Variants in CDC73 observed in about 807,000 individuals in gnomAD.
The protein encoded by CDC73 is parafibromin.
Under a neutral mutation model 83.7 loss-of-function variants are expected in CDC73, and 21 were observed. The ratio of observed to expected loss-of-function variants is 0.25; its 90% confidence interval spans 0.18 to 0.36. CDC73 has a LOEUF of 0.36. Ranked by LOEUF, CDC73 falls within the 10% of genes least tolerant of loss-of-function variation. The pLI is 1.00. For missense variants in CDC73, 342 were observed against 653.3 expected, an observed-to-expected ratio of 0.52 and a Z score of 5.19; for synonymous variants, 224 against 212.9, an observed-to-expected ratio of 1.05 and a Z score of -0.45.
At chr1:193,147,785 A>C (rs1676027590) in intron 7 of CDC73, 82 bp from the exon 8 acceptor site, 2 of 814,740 alleles carry the variant, frequency 2.5e-6, no homozygotes, top group Non-Finnish European at 4.2e-6. Context: ...ATCGATAGTA[A>C]GATAACTTAG....
intron 10 of CDC73, among the ~76,000 whole-genome samples, chr1:193,170,615 TA>T (rs1676503657): frequency 6.6e-6 from 1 of 152,234 alleles, no homozygotes; most frequent in Non-Finnish European, 1.5e-5. Context: ...GCCTACTTTT[TA>T]ATGATTTTTG....
intron 10 of CDC73, among the ~76,000 whole-genome samples, chr1:193,193,284 A>G (rs551366518): frequency 4.6e-5 from 7 of 152,244 alleles, no homozygotes; most frequent in Admixed American, 6.5e-5. Flanking sequence ...AGATGCATCA[A>G]TAGGTTCCTT....
At chr1:193,202,120 T>C (rs1256203893) in intron 10 of CDC73, among the ~76,000 whole-genome samples, 1 of 152,310 alleles carries the variant, frequency 6.6e-6, no homozygotes, top group Non-Finnish European at 1.5e-5. Context: ...TTTACTCTTA[T>C]TATATAATGT....
chr1:193,161,451 G>A (rs1263655200), intron 10 of CDC73, among the ~76,000 whole-genome samples: 2 of 148,874 alleles, frequency 1.3e-5, no homozygotes, highest in Admixed American at 6.9e-5. Flanking sequence ...CATATTTTAT[G>A]GGTGTCATTG....
rs562919053 is a variant in CDC73 at position 193,216,996 on chromosome 1, A to G, written c.1154+4519A>G. 2.0e-5 allele frequency among the ~76,000 whole-genome samples: 3 copies of G among 152,256 alleles called. No individual in the cohort carries two copies. The South Asian group carries it at 6.2e-4, about 32-fold the overall frequency. ...CAGCCAACATCATACTGAATAGGCA[A>G]AAGCTGGAAGCATTCCCCCTGAGAA... On this transcript the variant is annotated intron_variant, in intron 13 of 16. Coordinates refer to ENST00000367435, the MANE Select transcript of CDC73 (RefSeq NM_024529.5).
intron 8 of CDC73, among the ~76,000 whole-genome samples, chr1:193,148,292 A>G (rs1676044779): frequency 6.6e-6 from 1 of 152,232 alleles, no homozygotes; most frequent in Non-Finnish European, 1.5e-5. Flanking sequence ...TGTTAATAAC[A>G]TAAATCCCTG....
intron 10 of CDC73, among the ~76,000 whole-genome samples, chr1:193,196,009 AGTTT>A (rs1676997943): frequency 6.6e-6 from 1 of 152,046 alleles, no homozygotes; most frequent in South Asian, 2.1e-4. Context: ...GATGGAATCC[AGTTT>A]GTTTCTTTTT....
intron 15 of CDC73, among the ~76,000 whole-genome samples, chr1:193,244,818 A>G (rs1368352915): frequency 1.3e-5 from 2 of 151,950 alleles, no homozygotes; most frequent in African/African-American, 4.8e-5. Flanking sequence ...ATTCTGCCTT[A>G]TTTTTCCTCA....
chr1:193,250,729 A>T lies in CDC73; in HGVS notation c.*17A>T. ...AGATTCTGAATTATTTGGCTCCTCC[A>T]TTTCTGGAAATTGAGACTCAAGCTT... is the stretch of plus-strand genomic sequence containing the variant. On this transcript the variant is annotated 3_prime_UTR_variant, in exon 17 of 17. Transcript: ENST00000367435. 6.3e-7 allele frequency: 1 copy of T among 1,598,278 alleles called. No individual in the cohort carries two copies. Among genetic ancestry groups the T allele is most frequent in the Non-Finnish European group, 8.6e-7 (1 of 1,166,348 alleles).
chr1:193,153,660 G>A (rs961645892), intron 10 of CDC73, among the ~76,000 whole-genome samples: 1 of 152,120 alleles, frequency 6.6e-6, no homozygotes, highest in African/African-American at 2.4e-5. Flanking sequence ...ATTGGGATTG[G>A]ATATCAGATA....
chr1:193,250,785 A>G lies in CDC73; in HGVS notation c.*73A>G. 1.6e-6 allele frequency: 2 copies of G among 1,277,638 alleles called. No individual in the cohort carries two copies. The highest frequency in any genetic ancestry group is 1.5e-5 in the African/African-American group (1 of 68,300). The allele number at this position is 1,277,638 out of a possible 1,614,324, so 79.1% of individuals were successfully genotyped here. A position where few individuals can be genotyped will look rare whatever the true frequency, so the allele number is the denominator to read the frequency against. On this transcript the variant is annotated 3_prime_UTR_variant, in exon 17 of 17. Coordinates refer to ENST00000367435, the MANE Select transcript of CDC73 (RefSeq NM_024529.5). ...ATTTATCAAGAACTTAAAAATGAAG[A>G]AGGTCACAGATTGATCTTTTATAAG...
At chr1:193,159,653 T>C (rs1407020644) in intron 10 of CDC73, among the ~76,000 whole-genome samples, 1 of 152,208 alleles carries the variant, frequency 6.6e-6, no homozygotes, top group African/African-American at 2.4e-5. Context: ...TGAGCCACCG[T>C]GCCCGGCCTC....
intron 11 of CDC73, among the ~76,000 whole-genome samples, chr1:193,204,138 T>C (rs796879090): frequency 1.9e-4 from 28 of 151,168 alleles, no homozygotes; most frequent in African/African-American, 6.3e-4. Flanking sequence ...TTTCCTATAG[T>C]GTATTAAGCA....
Position 193,190,453 on chromosome 1 carries a change from A to G in CDC73, c.973-13342A>G, listed in dbSNP as rs549126124. ...TATTAAAAGCTTGTAATTTTCCTCT[A>G]AAGTCAGTGGATGATTTATGAACCA... On this transcript the variant is annotated intron_variant, in intron 10 of 16. Coordinates refer to ENST00000367435, the MANE Select transcript of CDC73 (RefSeq NM_024529.5). Among the ~76,000 whole-genome samples, 3 of 152,338 alleles carry G rather than the reference A, an allele frequency of 2.0e-5. 1 individual carries two copies. The South Asian group carries it at 6.2e-4, about 32-fold the overall frequency.
intron 3 of CDC73, 61 bp from the exon 4 acceptor site, chr1:193,135,327 TGTA>T: frequency 1.5e-6 from 2 of 1,312,788 alleles, no homozygotes; most frequent in South Asian, 2.4e-5. Flanking sequence ...GCATTTCACT[TGTA>T]ATAATATCCA....
chr1:193,230,227 C>T (rs1677637676), intron 13 of CDC73, among the ~76,000 whole-genome samples: 1 of 150,568 alleles, frequency 6.6e-6, no homozygotes, highest in African/African-American at 2.5e-5. Flanking sequence ...CGGCTTGCTG[C>T]AACCTCTGCC....
chr1:193,249,830 G>C lies in CDC73; in HGVS notation c.1518G>C (p.Leu506Phe). The C allele has an allele frequency of 6.2e-7, 1 of 1,612,306 alleles. No homozygotes were observed. Among genetic ancestry groups the C allele is most frequent in the Non-Finnish European group, 8.5e-7 (1 of 1,178,658 alleles). The change falls in exon 16 of 17, where the codon TTG becomes TTC. Residue 506 changes from leucine to phenylalanine, a missense_variant. Coordinates refer to ENST00000367435, the MANE Select transcript of CDC73 (RefSeq NM_024529.5). ...AACTCAGCTATCACAAACGTCATTT[G>C]GATAGACCAGTGTTCTTACGGTTTT... ...VLELSYHKRHLDRPVFLRFWE... is the reference protein window; with the variant it reads ...VLELSYHKRHFDRPVFLRFWE...
chr1:193,210,134 T>TA (rs1466684386), intron 11 of CDC73, among the ~76,000 whole-genome samples: 3 of 152,186 alleles, frequency 2.0e-5, no homozygotes, highest in Non-Finnish European at 4.4e-5. Context: ...AAAACTGTAA[T>TA]AGTAAAGGCA....
At chr1:193,142,734 C>T (rs978195086) in intron 7 of CDC73, among the ~76,000 whole-genome samples, 2 of 151,528 alleles carry the variant, frequency 1.3e-5, no homozygotes, top group African/African-American at 4.9e-5. Context: ...GTACACGTAC[C>T]TTTGTGTGTT....
Sources: allele counts gnomAD v4.1 joint callset (sites outside exome capture counted in the v4.1 genomes callset), GRCh38; gene constraint gnomAD v4.1.1; transcripts MANE v1.5; gene names NCBI Gene and HGNC (gene_info 2026-07-23, HGNC 2026-07-21).